LRRC9: variants seen among roughly 807,000 people sequenced by gnomAD.
The protein encoded by LRRC9 is leucine-rich repeat-containing protein 9.
A neutral mutation model predicts 63.2 loss-of-function variants in LRRC9; 122 were observed. The ratio of observed to expected loss-of-function variants is 1.93; its 90% CI spans 1.67 to 2.24. The LOEUF is 2.24. Among genes scored for constraint, LRRC9 ranks in the 30% most tolerant of loss-of-function variants. The pLI is 0.00. For synonymous variants in LRRC9, 366 were observed against 213.1 expected (o/e 1.72, Z -6.25); for missense variants, 1,071 against 627.7 (o/e 1.71, Z -7.55).
chr14:59,999,521 G>A (rs1442530162), intron 19 of LRRC9, among the ~76,000 whole-genome samples: 1 of 151,976 alleles, frequency 6.6e-6, no homozygotes, highest in Non-Finnish European at 1.5e-5. Flanking sequence ...GAGCCTACAT[G>A]AAAATAAGCA....
At chr14:59,924,047 G>A (rs1231919216) in intron 1 of LRRC9, among the ~76,000 whole-genome samples, 1 of 152,236 alleles carries the variant, frequency 6.6e-6, no homozygotes, top group Non-Finnish European at 1.5e-5. Context: ...CCCAGTGTAT[G>A]TGATCATTTA....
intron 8 of LRRC9, among the ~76,000 whole-genome samples, chr14:59,957,281 G>A (rs2139948123): frequency 6.6e-6 from 1 of 152,136 alleles, no homozygotes; most frequent in Middle Eastern, 3.4e-3. Flanking sequence ...CAGAGATTTG[G>A]TATTTTCACA....
Position 60,053,651 on chromosome 14 carries a change from T to C in LRRC9, c.4131+446T>C, listed in dbSNP as rs1894064017. Among the ~76,000 whole-genome samples, 1 of 152,178 alleles carries C rather than the reference T, an allele frequency of 6.6e-6. No homozygotes were observed. Among genetic ancestry groups the C allele is most frequent in the African/African-American group, 2.4e-5 (1 of 41,456 alleles). On this transcript the variant is annotated intron_variant, in intron 30 of 31. Coordinates refer to ENST00000445360, the Ensembl canonical transcript of LRRC9. This position sits in a 1 kb window ranked among gnomAD's most constrained non-coding sequence, Gnocchi z 4.8. ...TCAACTCTCTGGATTGTGTAGTTTA[T>C]CTAAGAAAGGAGATGTGTGCCTCTA...
chr14:59,931,497 T>A (rs1402796998), intron 4 of LRRC9, 122 bp from the exon 5 acceptor site: 5 of 522,620 alleles, frequency 9.6e-6, no homozygotes, highest in Admixed American at 3.5e-5. Flanking sequence ...CCTTCTGTGC[T>A]TGTGGAGTAC....
rs1473294610 is a variant in LRRC9, at chr14:59,938,928, TAC to T, written c.726+360_726+361del. Among the ~76,000 whole-genome samples the T allele has an allele frequency of 0.011, 1,398 of 127,352 alleles. 79 individuals are homozygous for T. The East Asian group carries it at 0.2, about 18-fold the overall frequency. The allele number at this position is 127,352 out of a possible 152,430, so 83.5% of individuals were successfully genotyped here. The stretch of plus-strand genomic sequence containing the variant: ...ACATATATACACATATGCATATATA[TAC>T]ACATATATACATATACATACATATA... On this transcript the variant is annotated intron_variant, in intron 7 of 31. Coordinates refer to ENST00000445360, the Ensembl canonical transcript of LRRC9. This position sits in a 1 kb window ranked among gnomAD's most constrained non-coding sequence, Gnocchi z 4.2.
At chr14:59,977,982 T>C (rs1248050560) in intron 14 of LRRC9, 35 bp from the exon 15 acceptor site, 4 of 679,150 alleles carry the variant, frequency 5.9e-6, no homozygotes, top group East Asian at 5.5e-5. Flanking sequence ...TTTGAGAAAA[T>C]GTGTTTGCTT....
rs570775786 is a variant in LRRC9, at chr14:59,929,311, A to G, written c.267+825A>G. Among the ~76,000 whole-genome samples, 190 of 152,306 alleles carry G rather than the reference A, an allele frequency of 1.2e-3. 2 individuals are homozygous for G. The highest frequency in any genetic ancestry group is 4.5e-3 in the African/African-American group (188 of 41,584). ...GAAGACATACATGTGGCTAACAAGC[A>G]TAAGAAAAAAAGTTTAAAATAACTG... is the stretch of plus-strand genomic sequence containing the variant. On this transcript the variant is annotated intron_variant, in intron 3 of 31. Transcript: ENST00000445360.
chr14:60,021,922 C>T (rs1367377904), intron 26 of LRRC9, among the ~76,000 whole-genome samples: 1 of 151,870 alleles, frequency 6.6e-6, no homozygotes, highest in Non-Finnish European at 1.5e-5. Context: ...GTGATTTAAG[C>T]TCTCCAACTT....
chr14:60,055,319 T>A (rs1894189452), intron 30 of LRRC9, among the ~76,000 whole-genome samples: 1 of 152,238 alleles, frequency 6.6e-6, no homozygotes. Context: ...GTGCATCATC[T>A]AATGTCATCT....
At chr14:59,982,409 G>A (rs749404999) in intron 16 of LRRC9, among the ~76,000 whole-genome samples, 21 of 152,220 alleles carry the variant, frequency 1.4e-4, no homozygotes, top group African/African-American at 4.3e-4. Flanking sequence ...AAGAGAATAC[G>A]TTTATTTAGC....
chr14:59,984,201 T>C lies in LRRC9; in HGVS notation c.2092-904T>C, dbSNP rs1887223733. ...GAATATATCATGGATGATACCCATA[T>C]GTGACTTGTAAAATCACTAGTCTGC... On this transcript the variant is annotated intron_variant, in intron 16 of 31. Coordinates refer to ENST00000445360, the Ensembl canonical transcript of LRRC9. Among the ~76,000 whole-genome samples the C allele has an allele frequency of 2.0e-5, 3 of 152,258 alleles. No homozygotes were observed. The South Asian group carries it at 6.2e-4, about 31-fold the overall frequency.
intron 8 of LRRC9, among the ~76,000 whole-genome samples, chr14:59,947,882 C>A (rs1434795669): frequency 6.6e-6 from 1 of 151,410 alleles, no homozygotes; most frequent in African/African-American, 2.4e-5. Context: ...TGTTTTGGTA[C>A]CAGTACCATG....
At chr14:60,025,679 C>CAA (rs4033012) in intron 27 of LRRC9, among the ~76,000 whole-genome samples, 2 of 97,090 alleles carry the variant, frequency 2.1e-5, no homozygotes, top group African/African-American at 3.2e-5. Context: ...ATATATTTTA[C>CAA]AAAAAAAAAA....
At chr14:60,033,869 C>T (rs1177766940) in intron 29 of LRRC9, among the ~76,000 whole-genome samples, 1 of 151,936 alleles carries the variant, frequency 6.6e-6, no homozygotes, top group Non-Finnish European at 1.5e-5. Flanking sequence ...CTCTAGAACT[C>T]TGGGCTTAAT....
At chr14:60,018,586 TA>T in intron 25 of LRRC9, 107 bp downstream of exon 25, 1 of 433,202 alleles carries the variant, frequency 2.3e-6, no homozygotes, top group East Asian at 3.4e-5. Flanking sequence ...AAATTATTCC[TA>T]AATTTTCTTT....
chr14:60,010,504 G>A (rs1890178239), intron 23 of LRRC9, among the ~76,000 whole-genome samples: 1 of 152,136 alleles, frequency 6.6e-6, no homozygotes, highest in South Asian at 2.1e-4. Context: ...GATGGGAGTG[G>A]CTGCTGTGAA....
At chr14:60,034,353 A>G (rs1448894168) in intron 29 of LRRC9, among the ~76,000 whole-genome samples, 1 of 152,068 alleles carries the variant, frequency 6.6e-6, no homozygotes, top group Non-Finnish European at 1.5e-5. Context: ...TAGTACTTTC[A>G]TGAATTGTTT....
In LRRC9 at chr14:59,978,139, A is replaced by G; in HGVS notation, c.1878+7A>G. 1.4e-6 allele frequency: 1 copy of G among 700,788 alleles called. No individual in the cohort carries two copies. Among genetic ancestry groups the G allele is most frequent in the South Asian group, 1.5e-5 (1 of 67,282 alleles). The allele number at this position is 700,788 out of a possible 1,614,324, so 43.4% of individuals were successfully genotyped here. On this transcript the variant is annotated splice_region_variant and intron_variant, in intron 15 of 31. Coordinates refer to ENST00000445360, the Ensembl canonical transcript of LRRC9. Reference sequence around the variant, plus strand: ...ATTTGAGTATATTACAATGGTATGAATTGTTACATATTCTTAAAGACTAAT... The same window carrying G: ...ATTTGAGTATATTACAATGGTATGAGTTGTTACATATTCTTAAAGACTAAT...
intron 17 of LRRC9, among the ~76,000 whole-genome samples, chr14:59,995,220 T>C (rs1243848779): frequency 6.6e-6 from 1 of 152,178 alleles, no homozygotes; most frequent in Non-Finnish European, 1.5e-5. Flanking sequence ...TGTAATAAGC[T>C]GCATGTCTGT....
Sources: gnomAD v4.1 joint callset for allele counts (sites outside exome capture counted in the v4.1 genomes callset) on GRCh38, gnomAD v4.1.1 for gene constraint, Gnocchi (gnomAD v3.1) non-coding constraint, MANE v1.5 for transcripts, NCBI Gene and HGNC (gene_info 2026-07-23, HGNC 2026-07-21) for gene names.